COMMD10: variants seen among roughly 807,000 people sequenced by gnomAD.
The protein encoded by COMMD10 is COMM domain-containing protein 10.
Under a neutral mutation model 28.9 loss-of-function variants are expected in COMMD10, and 33 were observed. The ratio of observed to expected loss-of-function variants is 1.14; its 90% CI spans 0.87 to 1.53. COMMD10 has a LOEUF of 1.53. COMMD10 is among the 40% of genes most tolerant of loss of function. The probability of loss-of-function intolerance (pLI) is 0.00; values close to 1 mark genes in which losing one functional copy is unlikely to be tolerated. For missense variants in COMMD10, 310 were observed against 233.4 expected, an observed-to-expected ratio of 1.33 and a Z score of -2.14; for synonymous variants, 110 against 81.7, an observed-to-expected ratio of 1.35 and a Z score of -1.87.
intron 5 of COMMD10, among the ~76,000 whole-genome samples, chr5:116,257,214 A>G (rs1750312518): frequency 6.6e-6 from 1 of 151,518 alleles, no homozygotes; most frequent in Admixed American, 6.6e-5. Flanking sequence ...CACTTACGGA[A>G]TTTTCTACTT....
intron 4 of COMMD10, among the ~76,000 whole-genome samples, chr5:116,116,894 T>C (rs1287229226): frequency 6.6e-6 from 1 of 152,144 alleles, no homozygotes; most frequent in Non-Finnish European, 1.5e-5. Context: ...TTTTAGAAGT[T>C]ATATACACAC....
At chr5:116,087,148 C>G (rs1052891684) in intron 1 of COMMD10, among the ~76,000 whole-genome samples, 2 of 152,132 alleles carry the variant, frequency 1.3e-5, no homozygotes, top group African/African-American at 4.8e-5. Flanking sequence ...CTATTCCTCT[C>G]CTCCCACCCC....
At chr5:116,153,586 C>A (rs934758981) in intron 5 of COMMD10, among the ~76,000 whole-genome samples, 1 of 151,976 alleles carries the variant, frequency 6.6e-6, no homozygotes, top group African/African-American at 2.4e-5. Context: ...GTTCTGTGGG[C>A]TTTTATGTTT....
At chr5:116,128,147 G>A (rs898686085) in intron 4 of COMMD10, among the ~76,000 whole-genome samples, 3 of 151,964 alleles carry the variant, frequency 2.0e-5, no homozygotes, top group African/African-American at 7.2e-5. Context: ...CTATTTTGAG[G>A]AGTTAATGTA....
intron 5 of COMMD10, among the ~76,000 whole-genome samples, chr5:116,289,561 T>G (rs1025428999): frequency 6.6e-6 from 1 of 151,888 alleles, no homozygotes; most frequent in African/African-American, 2.4e-5. Context: ...GTGAGTGCCC[T>G]TCTTTAATTA....
intron 5 of COMMD10, among the ~76,000 whole-genome samples, chr5:116,254,186 CT>C (rs1280759270): frequency 6.6e-6 from 1 of 151,794 alleles, no homozygotes; most frequent in Non-Finnish European, 1.5e-5. Context: ...ATTCTTCTCT[CT>C]TTTTTTCTTT....
At chr5:116,101,631 T>C (rs915727768) in intron 4 of COMMD10, among the ~76,000 whole-genome samples, 2 of 152,126 alleles carry the variant, frequency 1.3e-5, no homozygotes, top group African/African-American at 2.4e-5. Context: ...TTCACCATGT[T>C]GGTCAGGCTG....
At chr5:116,221,308 G>A (rs1749249844) in intron 5 of COMMD10, among the ~76,000 whole-genome samples, 1 of 152,000 alleles carries the variant, frequency 6.6e-6, no homozygotes, top group Admixed American at 6.5e-5. Context: ...CCCCAGCCCA[G>A]AACTCCTCTG....
At chr5:116,200,557 T>C (rs982832726) in intron 5 of COMMD10, among the ~76,000 whole-genome samples, 3 of 152,036 alleles carry the variant, frequency 2.0e-5, no homozygotes, top group Admixed American at 2.0e-4. Flanking sequence ...TTATCACACA[T>C]ACGTTATACC....
chr5:116,251,567 G>A (rs544637068), intron 5 of COMMD10, among the ~76,000 whole-genome samples: 1 of 150,314 alleles, frequency 6.7e-6, no homozygotes, highest in Non-Finnish European at 1.5e-5. Context: ...TCTTGCGATA[G>A]TTTACTGAGA....
At chr5:116,102,904 G>A (rs893069371) in intron 4 of COMMD10, among the ~76,000 whole-genome samples, 1 of 151,984 alleles carries the variant, frequency 6.6e-6, no homozygotes, top group Non-Finnish European at 1.5e-5. Flanking sequence ...CCTTATGAGT[G>A]AGAACATGCG....
rs755814048 is a variant in COMMD10 at position 116,085,077 on chromosome 5, C to T, written c.25C>T (p.Leu9=). Reference sequence around the variant, plus strand: ...GATGGCGGTCCCCGCGGCGCTGATCCTACGGGAGAGCCCCAGGTAGCTGAT... The same window carrying T: ...GATGGCGGTCCCCGCGGCGCTGATCTTACGGGAGAGCCCCAGGTAGCTGAT... MAVPAALI[L]RESPSMKKAV... The change falls in exon 1 of 7, where the codon CTA becomes TTA. Residue 9 remains leucine (L), a synonymous_variant. Transcript: ENST00000274458. 61 of 1,610,238 alleles carry T rather than the reference C, an allele frequency of 3.8e-5. 1 individual carries two copies. The highest frequency in any genetic ancestry group is 3.0e-4 in the South Asian group (27 of 90,342).
intron 5 of COMMD10, among the ~76,000 whole-genome samples, chr5:116,159,898 T>C (rs1370475097): frequency 6.6e-6 from 1 of 152,164 alleles, no homozygotes; most frequent in Non-Finnish European, 1.5e-5. Context: ...TCCTCCCTAG[T>C]GGCTTAAAAA....
intron 2 of COMMD10, among the ~76,000 whole-genome samples, chr5:116,089,285 A>G (rs1371781389): frequency 1.3e-5 from 2 of 152,172 alleles, no homozygotes; most frequent in Non-Finnish European, 2.9e-5. Context: ...AGAGATAGAG[A>G]TCAGTTAAGT....
intron 5 of COMMD10, among the ~76,000 whole-genome samples, chr5:116,186,182 C>G (rs563150685): frequency 6.6e-6 from 1 of 152,254 alleles, no homozygotes; most frequent in South Asian, 2.1e-4. Flanking sequence ...ATTGGTTCAG[C>G]TGCAACTCTG....
At chr5:116,219,769 C>T (rs1314743170) in intron 5 of COMMD10, among the ~76,000 whole-genome samples, 1 of 152,128 alleles carries the variant, frequency 6.6e-6, no homozygotes, top group East Asian at 1.9e-4. Flanking sequence ...CTGAAAATAC[C>T]AAATACTTTT....
intron 5 of COMMD10, among the ~76,000 whole-genome samples, chr5:116,163,151 A>G (rs891734983): frequency 1.4e-5 from 2 of 139,264 alleles, no homozygotes; most frequent in Admixed American, 6.9e-5. Context: ...AGCATTAGAT[A>G]TATACAAATA....
At position 116,292,627 on chromosome 5, in the gene COMMD10, A is replaced by G; in HGVS notation, c.*138A>G. 1 of 573,214 alleles carries G rather than the reference A, an allele frequency of 1.7e-6. No homozygotes were observed. The highest frequency in any genetic ancestry group is 3.0e-6 in the Non-Finnish European group (1 of 335,262). 35.5% of individuals were successfully genotyped at this position (573,214 alleles called of 1,614,324 possible). ...TTATATGGCTTATCACTTCTTAGAC[A>G]AATAACAACCAATAGAGATCATTGT... On this transcript the variant is annotated 3_prime_UTR_variant, in exon 7 of 7. Coordinates refer to ENST00000274458, the MANE Select transcript of COMMD10 (RefSeq NM_016144.4).
At chr5:116,232,021 A>T (rs1749542052) in intron 5 of COMMD10, among the ~76,000 whole-genome samples, 1 of 152,148 alleles carries the variant, frequency 6.6e-6, no homozygotes, top group Non-Finnish European at 1.5e-5. Context: ...AGCTGCACCA[A>T]GCTGAAGAGC....
Sources: allele counts gnomAD v4.1 joint callset (sites outside exome capture counted in the v4.1 genomes callset), GRCh38; gene constraint gnomAD v4.1.1; transcripts MANE v1.5; gene names NCBI Gene and HGNC (gene_info 2026-07-23, HGNC 2026-07-21).